PEX13: variants seen among roughly 807,000 people sequenced by gnomAD.
The protein encoded by PEX13 is peroxisome biogenesis factor 13.
A neutral mutation model predicts 34.5 loss-of-function variants in PEX13; 28 were observed. The observed-to-expected ratio is 0.81, with a 90% CI of 0.60 to 1.11. The LOEUF is 1.11. PEX13 is among the 50% of genes most tolerant of loss of function. PEX13 has a pLI of 0.00. For missense variants in PEX13, 550 were observed against 491.0 expected, an observed-to-expected ratio of 1.12 and a Z score of -1.13; for synonymous variants, 177 against 175.1, an observed-to-expected ratio of 1.01 and a Z score of -0.09.
chr2:61,036,080 GA>G (rs1416160025), intron 2 of PEX13, among the ~76,000 whole-genome samples: 1 of 151,750 alleles, frequency 6.6e-6, no homozygotes, highest in African/African-American at 2.4e-5. Flanking sequence ...CAAGATTAGA[GA>G]AAAAAGAGTG....
chr2:61,024,441 A>G (rs1680315779), intron 1 of PEX13, among the ~76,000 whole-genome samples: 1 of 152,012 alleles, frequency 6.6e-6, no homozygotes, highest in Non-Finnish European at 1.5e-5. Flanking sequence ...CTTATGCTTC[A>G]TTCTGGGTAT....
At chr2:61,026,126 G>A (rs541892048) in intron 1 of PEX13, among the ~76,000 whole-genome samples, 1 of 151,742 alleles carries the variant, frequency 6.6e-6, no homozygotes, top group South Asian at 2.1e-4. Flanking sequence ...AGAATTCTTC[G>A]GTGCCTCGTT....
chr2:61,028,779 A>G (rs1200697185), intron 1 of PEX13, among the ~76,000 whole-genome samples: 3 of 152,224 alleles, frequency 2.0e-5, no homozygotes, highest in Non-Finnish European at 2.9e-5. Context: ...TTAGAAAAGA[A>G]AGGAAACAAA....
At position 61,051,289 on chromosome 2, in the gene PEX13, A is replaced by G. The variant is rs879331953; in HGVS notation, c.*2519A>G. Reference sequence around the variant, plus strand: ...TATAGAAATTTTGTTCTCAAAACAAATGTTTGATAAAACAGATTATTAAAT... The same window carrying G: ...TATAGAAATTTTGTTCTCAAAACAAGTGTTTGATAAAACAGATTATTAAAT... On this transcript the variant is annotated 3_prime_UTR_variant, in exon 4 of 4. Coordinates refer to ENST00000295030, the MANE Select transcript of PEX13 (RefSeq NM_002618.4). The G allele has an allele frequency of 6.6e-6, 1 of 152,354 alleles. No individual in the cohort carries two copies. Among genetic ancestry groups the G allele is most frequent in the East Asian group, 1.9e-4 (1 of 5,344 alleles). The allele number at this position is 152,354 out of a possible 1,614,324, so 9.4% of individuals were successfully genotyped here.
intron 2 of PEX13, among the ~76,000 whole-genome samples, chr2:61,036,312 C>T (rs770574076): frequency 2.6e-5 from 4 of 152,028 alleles, no homozygotes; most frequent in Non-Finnish European, 4.4e-5. Flanking sequence ...GAAGAGCAAC[C>T]CTAAGACACA....
chr2:61,042,843 T>C (rs188012659), intron 2 of PEX13, among the ~76,000 whole-genome samples: 5 of 152,276 alleles, frequency 3.3e-5, no homozygotes, highest in Admixed American at 3.3e-4. Context: ...CCTTGAAGAG[T>C]TGATGGCATT....
intron 2 of PEX13, among the ~76,000 whole-genome samples, chr2:61,043,334 A>C (rs1209870947): frequency 9.4e-6 from 1 of 106,644 alleles, no homozygotes; most frequent in African/African-American, 2.9e-5. Flanking sequence ...GTCTCTACTA[A>C]AAAAAAAAAA....
At chr2:61,042,407 G>T (rs914015086) in intron 2 of PEX13, among the ~76,000 whole-genome samples, 4 of 151,836 alleles carry the variant, frequency 2.6e-5, no homozygotes, top group Admixed American at 6.6e-5. Context: ...TTGAAATTAT[G>T]AATTCATATA....
chr2:61,045,608 C>G, intron 2 of PEX13, 118 bp from the exon 3 acceptor site: 1 of 766,162 alleles, frequency 1.3e-6, no homozygotes, highest in Non-Finnish European at 2.3e-6. Context: ...ATAGTTTTTA[C>G]TTGGGAGGGG....
chr2:61,031,116 C>T (rs1022856315), intron 1 of PEX13, among the ~76,000 whole-genome samples: 5 of 152,098 alleles, frequency 3.3e-5, no homozygotes, highest in African/African-American at 1.2e-4. Context: ...ATGGTGAAAC[C>T]CCATCTCTAC....
At chr2:61,039,467 A>C (rs1198678684) in intron 2 of PEX13, among the ~76,000 whole-genome samples, 2 of 152,304 alleles carry the variant, frequency 1.3e-5, no homozygotes, top group East Asian at 3.9e-4. Context: ...ATCTTTGACA[A>C]ACCTGACAAA....
intron 1 of PEX13, 93 bp from the exon 2 acceptor site, chr2:61,031,326 A>G: frequency 3.3e-6 from 3 of 905,716 alleles, no homozygotes; most frequent in Non-Finnish European, 5.3e-6. Flanking sequence ...AGAATTTGTC[A>G]TAGCACCAGG....
intron 1 of PEX13, chr2:61,018,277 G>T: frequency 6.4e-7 from 1 of 1,550,610 alleles, no homozygotes; most frequent in Non-Finnish European, 8.7e-7. Context: ...TTAACCTCTC[G>T]AGAAGTTGCT....
intron 1 of PEX13, among the ~76,000 whole-genome samples, chr2:61,024,138 C>T (rs1455628312): frequency 6.6e-6 from 1 of 152,066 alleles, no homozygotes; most frequent in Non-Finnish European, 1.5e-5. Flanking sequence ...AGAATCTTAC[C>T]CCACCCCTGA....
At chr2:61,018,453 T>C (rs746423106) in intron 1 of PEX13, 3 of 847,214 alleles carry the variant, frequency 3.5e-6, no homozygotes, top group Non-Finnish European at 5.1e-6. Context: ...AAATAGTGTA[T>C]TTTTCTGAGG....
At chr2:61,041,108 C>T (rs772144525) in intron 2 of PEX13, among the ~76,000 whole-genome samples, 40 of 152,030 alleles carry the variant, frequency 2.6e-4, no homozygotes, top group Non-Finnish European at 4.3e-4. Flanking sequence ...CCTGGCAAAT[C>T]GCTTGAGCCC....
At chr2:61,026,829 G>C (rs1680365216) in intron 1 of PEX13, among the ~76,000 whole-genome samples, 1 of 151,972 alleles carries the variant, frequency 6.6e-6, no homozygotes, top group Admixed American at 6.5e-5. Flanking sequence ...TATACTTGCT[G>C]ATTTTTGTTG....
At chr2:61,034,536 GGATTT>G (rs1301720963) in intron 2 of PEX13, among the ~76,000 whole-genome samples, 1 of 152,132 alleles carries the variant, frequency 6.6e-6, no homozygotes, top group Non-Finnish European at 1.5e-5. Context: ...AGGGGTCAGG[GGATTT>G]CCCTTTCCTA....
chr2:61,021,857 G>A (rs555852174), intron 1 of PEX13, among the ~76,000 whole-genome samples: 2 of 152,316 alleles, frequency 1.3e-5, no homozygotes, highest in South Asian at 4.1e-4. Flanking sequence ...CTGTTCTGTA[G>A]CCTCTGCTGG....
Sources: allele counts gnomAD v4.1 joint callset (sites outside exome capture counted in the v4.1 genomes callset), GRCh38; gene constraint gnomAD v4.1.1; transcripts MANE v1.5; gene names NCBI Gene and HGNC (gene_info 2026-07-23, HGNC 2026-07-21).